The following RBFOX1 variants were observed in gnomAD, a reference collection of about 807,000 sequenced individuals.
RBFOX1 encodes the protein RNA binding fox-1 homolog 1, also known as RNA binding protein fox-1 homolog 1.
In RBFOX1, 8 loss-of-function variants were observed where a neutral mutation model predicts 57.7. That is an observed-to-expected ratio of 0.14 (90% CI 0.08 to 0.25). RBFOX1 has a LOEUF of 0.25. Ranked by LOEUF, RBFOX1 falls within the 10% of genes least tolerant of loss-of-function variation. The pLI is 1.00. For missense variants in RBFOX1, 611 were observed against 548.5 expected, an observed-to-expected ratio of 1.11 and a Z score of -1.14; for synonymous variants, 326 against 222.4, an observed-to-expected ratio of 1.47 and a Z score of -4.15.
intron 8 of RBFOX1, among the ~76,000 whole-genome samples, chr16:7,596,469 C>G (rs929028253): frequency 2.6e-5 from 4 of 152,018 alleles, no homozygotes; most frequent in Non-Finnish European, 5.9e-5. Context: ...AGGCCCCTCA[C>G]CAAACTCTCA....
intron 3 of RBFOX1, among the ~76,000 whole-genome samples, chr16:6,982,488 A>T (rs981018931): frequency 6.6e-6 from 1 of 152,144 alleles, no homozygotes; most frequent in African/African-American, 2.4e-5. Context: ...AGAGTCGTTG[A>T]CGAGGTGGAT....
chr16:6,678,574 A>G (rs765605781), intron 3 of RBFOX1, among the ~76,000 whole-genome samples: 8 of 151,500 alleles, frequency 5.3e-5, no homozygotes, highest in Non-Finnish European at 1.2e-4. Context: ...AGGTTTTGTG[A>G]TAACACAAGT....
chr16:5,445,925 G>T (rs2068226673), intron 1 of RBFOX1, among the ~76,000 whole-genome samples: 1 of 152,214 alleles, frequency 6.6e-6, no homozygotes, highest in Non-Finnish European at 1.5e-5. Context: ...TATGCTTTGA[G>T]TGGGAATGTG....
chr16:7,362,031 C>A lies in RBFOX1; in HGVS notation c.28-156116C>A, dbSNP rs1277625360. Among the ~76,000 whole-genome samples, 4 of 140,120 alleles carry A rather than the reference C, an allele frequency of 2.9e-5. No individual in the cohort carries two copies. In the East Asian group the frequency reaches 8.7e-4, roughly 30 times the overall value. The allele number at this position is 140,120 out of a possible 152,430, so 91.9% of individuals were successfully genotyped here. ...ATTATGTATATATGTTTTGTGTGTA[C>A]ATGTGTTAGTGTGTGTGTTTTGTGT... is the stretch of plus-strand genomic sequence containing the variant. On this transcript the variant is annotated intron_variant, in intron 4 of 15. Coordinates refer to ENST00000550418, the MANE Select transcript of RBFOX1 (RefSeq NM_018723.4).
intron 2 of RBFOX1, among the ~76,000 whole-genome samples, chr16:6,471,670 A>G (rs927990416): frequency 6.6e-6 from 1 of 151,910 alleles, no homozygotes; most frequent in African/African-American, 2.4e-5. Flanking sequence ...CTGGCCCACC[A>G]GCTATGCTTC....
intron 3 of RBFOX1, among the ~76,000 whole-genome samples, chr16:6,973,576 G>A (rs1301885170): frequency 3.3e-5 from 5 of 152,076 alleles, no homozygotes; most frequent in African/African-American, 7.2e-5. Flanking sequence ...CTTTCTTCCC[G>A]AGGGGATTGT....
intron 4 of RBFOX1, among the ~76,000 whole-genome samples, chr16:7,511,176 C>G (rs1380934422): frequency 6.6e-6 from 1 of 152,180 alleles, no homozygotes; most frequent in Non-Finnish European, 1.5e-5. Flanking sequence ...AAGAATAGAC[C>G]CATTTCCTGT....
At chr16:5,775,426 G>A (rs548629227) in intron 3 of RBFOX1, among the ~76,000 whole-genome samples, 1 of 152,352 alleles carries the variant, frequency 6.6e-6, no homozygotes, top group South Asian at 2.1e-4. Flanking sequence ...TGCAAGCCAG[G>A]CTAGGACTGC....
chr16:6,392,527 G>T (rs2092650227), intron 2 of RBFOX1, among the ~76,000 whole-genome samples: 1 of 152,174 alleles, frequency 6.6e-6, no homozygotes, highest in Non-Finnish European at 1.5e-5. Flanking sequence ...TAAAGTTAAA[G>T]CTAAATGTCA....
chr16:6,590,896 A>G (rs1567797859), intron 2 of RBFOX1, among the ~76,000 whole-genome samples: 1 of 152,172 alleles, frequency 6.6e-6, no homozygotes, highest in Non-Finnish European at 1.5e-5. Context: ...AAAGCAGACC[A>G]TGCATTTGCA....
chr16:6,536,936 T>C (rs2096743269), intron 2 of RBFOX1, among the ~76,000 whole-genome samples: 1 of 152,160 alleles, frequency 6.6e-6, no homozygotes, highest in African/African-American at 2.4e-5. Flanking sequence ...ACAAAGTAAT[T>C]TTTGTTTCTT....
At chr16:6,311,295 C>CAAAAAAAAAAA (rs71145210) in intron 1 of RBFOX1, among the ~76,000 whole-genome samples, 2 of 91,220 alleles carry the variant, frequency 2.2e-5, no homozygotes, top group Non-Finnish European at 3.9e-5. Flanking sequence ...GACTCTGTCT[C>CAAAAAAAAAAA]AAAAAAAAAA....
intron 4 of RBFOX1, among the ~76,000 whole-genome samples, chr16:5,917,232 G>A (rs2058724204): frequency 1.3e-5 from 2 of 152,134 alleles, no homozygotes; most frequent in Admixed American, 6.5e-5. Context: ...GGAGAGACTT[G>A]CTAAAGGGCT....
At chr16:6,300,633 C>T (rs2078702939) in intron 1 of RBFOX1, among the ~76,000 whole-genome samples, 2 of 152,182 alleles carry the variant, frequency 1.3e-5, no homozygotes, top group Non-Finnish European at 2.9e-5. Context: ...CCCTCAATAT[C>T]TTTCCCACAT....
rs958502256 is a variant in RBFOX1, at chr16:7,145,882, C to G, written c.27+93784C>G. On this transcript the variant is annotated intron_variant, in intron 4 of 15. Transcript: ENST00000550418. ...CTTCCTTCATATACAGCCTAGTTCT[C>G]TGAGGTTCCCATCCCCTCAAGTCCA... Among the ~76,000 whole-genome samples the G allele has an allele frequency of 4.0e-4, 61 of 152,130 alleles. 2 individuals carry two copies.
chr16:6,735,554 G>A (rs548497438), intron 3 of RBFOX1, among the ~76,000 whole-genome samples: 27 of 152,194 alleles, frequency 1.8e-4, no homozygotes, highest in East Asian at 5.8e-4. Context: ...ACTATTTCTC[G>A]TCCCCATGGA....
At chr16:5,548,168 AAAAAAAATATATATAT>A (rs1173352414) in intron 2 of RBFOX1, among the ~76,000 whole-genome samples, 92 of 57,174 alleles carry the variant, frequency 1.6e-3, no homozygotes, top group African/African-American at 4.5e-3. Context: ...TAAAAAAAAA[AAAAAAAATATATATAT>A]ATATATATAT....
chr16:5,556,901 C>T (rs2045699469), intron 2 of RBFOX1, among the ~76,000 whole-genome samples: 2 of 152,178 alleles, frequency 1.3e-5, no homozygotes, highest in Admixed American at 6.5e-5. Flanking sequence ...CTGGGGATTT[C>T]TGCAGGCAAG....
chr16:7,499,187 G>A (rs1377037117), intron 4 of RBFOX1, among the ~76,000 whole-genome samples: 1 of 152,170 alleles, frequency 6.6e-6, no homozygotes, highest in Non-Finnish European at 1.5e-5. Context: ...TCTGAGTGCT[G>A]GGAGGACAAT....
Sources: gnomAD v4.1 joint callset for allele counts (sites outside exome capture counted in the v4.1 genomes callset) on GRCh38, gnomAD v4.1.1 for gene constraint, MANE v1.5 for transcripts, NCBI Gene and HGNC (gene_info 2026-07-23, HGNC 2026-07-21) for gene names.